The following PDE1C variants were observed in gnomAD, a reference collection of about 807,000 sequenced individuals.
PDE1C encodes the protein dual specificity calcium/calmodulin-dependent 3',5'-cyclic nucleotide phosphodiesterase 1C.
PDE1C carries 62 observed loss-of-function variants against 93.1 expected under a neutral mutation model. The ratio of observed to expected loss-of-function variants is 0.67; its 90% CI spans 0.54 to 0.82. The LOEUF (loss-of-function observed/expected upper bound fraction) is 0.82, where lower values mean the gene tolerates loss of function less well. Among genes scored for constraint, PDE1C ranks in the 40% least tolerant of loss-of-function variants. The pLI is 0.00. For missense variants in PDE1C, 742 were observed against 884.6 expected, an observed-to-expected ratio of 0.84 and a Z score of 2.04; for synonymous variants, 325 against 310.1, an observed-to-expected ratio of 1.05 and a Z score of -0.50.
chr7:31,632,950 G>A, the PDE1C span, among the ~76,000 whole-genome samples: 6 of 151,764 alleles, frequency 4.0e-5, no homozygotes, highest in African/African-American at 1.2e-4. Flanking sequence ...GCTGTGGCGC[G>A]ATCTTGGCTC....
chr7:31,957,677 C>T (rs1394992468), intron 2 of PDE1C, among the ~76,000 whole-genome samples: 1 of 152,152 alleles, frequency 6.6e-6, no homozygotes, highest in African/African-American at 2.4e-5. Context: ...TTTTGTGCAG[C>T]ATTGCATACA....
intron 1 of PDE1C, among the ~76,000 whole-genome samples, chr7:32,233,922 T>C (rs1424540078): frequency 1.3e-5 from 2 of 151,774 alleles, no homozygotes; most frequent in Non-Finnish European, 2.9e-5. Flanking sequence ...CCTACCAAAC[T>C]TAAAAGAAAT....
At chr7:31,846,780 C>A (rs548521468) in intron 9 of PDE1C, among the ~76,000 whole-genome samples, 3 of 151,974 alleles carry the variant, frequency 2.0e-5, no homozygotes, top group East Asian at 1.9e-4. Flanking sequence ...TTCCTTTTTT[C>A]CTGAAGTGGT....
intron 16 of PDE1C, among the ~76,000 whole-genome samples, chr7:31,803,796 G>A (rs1235042170): frequency 2.6e-5 from 4 of 151,818 alleles, no homozygotes; most frequent in Admixed American, 6.6e-5. Context: ...TCAGTCTATC[G>A]TTGTTGGACA....
At chr7:32,182,530 C>T (rs1026484805) in intron 2 of PDE1C, among the ~76,000 whole-genome samples, 1 of 152,154 alleles carries the variant, frequency 6.6e-6, no homozygotes, top group African/African-American at 2.4e-5. Flanking sequence ...AGCACATAAA[C>T]AGAACCAATG....
At chr7:32,093,864 C>T (rs1797610391) in intron 3 of PDE1C, among the ~76,000 whole-genome samples, 1 of 152,220 alleles carries the variant, frequency 6.6e-6, no homozygotes, top group South Asian at 2.1e-4. Flanking sequence ...AGCTCTTTAT[C>T]AGATGGGCCC....
At chr7:32,290,333 G>A (rs959579978) in intron 1 of PDE1C, among the ~76,000 whole-genome samples, 16 of 152,198 alleles carry the variant, frequency 1.1e-4, no homozygotes, top group African/African-American at 3.6e-4. Flanking sequence ...AGGCAGCCAG[G>A]AGCAGGCGGG....
chr7:32,130,468 C>T (rs1799853437), intron 3 of PDE1C, among the ~76,000 whole-genome samples: 1 of 152,050 alleles, frequency 6.6e-6, no homozygotes, highest in African/African-American at 2.4e-5. Context: ...GGAAAAAGTA[C>T]CTCACTCTCC....
At chr7:31,637,878 T>C in the PDE1C span, among the ~76,000 whole-genome samples, 9 of 152,210 alleles carry the variant, frequency 5.9e-5, no homozygotes, top group African/African-American at 1.9e-4. Context: ...AGGTCTAACA[T>C]GTAAGTCTTT....
intron 17 of PDE1C, among the ~76,000 whole-genome samples, chr7:31,761,502 A>C (rs578043229): frequency 6.6e-6 from 1 of 152,270 alleles, no homozygotes; most frequent in Admixed American, 6.5e-5. Flanking sequence ...AACTGCTTTC[A>C]TCTTTTCCCT....
At chr7:32,119,509 G>A (rs6947038) in intron 3 of PDE1C, among the ~76,000 whole-genome samples, 49,403 of 152,094 alleles carry the variant, frequency 0.32, 8,758 homozygotes, top group South Asian at 0.41. Flanking sequence ...AGAGATGACC[G>A]ACTAGAAGCA....
chr7:32,321,812 A>T (rs1380786339), intron 1 of PDE1C, among the ~76,000 whole-genome samples: 3 of 152,208 alleles, frequency 2.0e-5, no homozygotes. Flanking sequence ...TCCACATTCT[A>T]CAAACCCTAG....
chr7:31,935,909 G>A (rs1171617137), intron 2 of PDE1C, among the ~76,000 whole-genome samples: 1 of 152,094 alleles, frequency 6.6e-6, no homozygotes, highest in African/African-American at 2.4e-5. Flanking sequence ...GGGAACTGGG[G>A]AGGGGTGGAG....
At chr7:32,151,255 C>T (rs1330012937) in intron 3 of PDE1C, among the ~76,000 whole-genome samples, 1 of 152,074 alleles carries the variant, frequency 6.6e-6, no homozygotes, top group Non-Finnish European at 1.5e-5. Flanking sequence ...TAAAGGACTC[C>T]CCAAGACAAA....
At chr7:32,140,181 A>G (rs32316) in intron 3 of PDE1C, among the ~76,000 whole-genome samples, 105,373 of 152,034 alleles carry the variant, frequency 0.69, 37,246 homozygotes, top group Middle Eastern at 0.81. Context: ...TTTAATCCTT[A>G]TGACAACCAA....
chr7:31,775,545 C>T (rs888059798), intron 17 of PDE1C, 119 bp downstream of exon 17: 23 of 768,418 alleles, frequency 3.0e-5, no homozygotes, highest in Admixed American at 7.4e-5. Flanking sequence ...TCTCTGATAA[C>T]GTGAGTAGAC....
chr7:31,942,581 C>T (rs1008185333), intron 2 of PDE1C, among the ~76,000 whole-genome samples: 1 of 152,092 alleles, frequency 6.6e-6, no homozygotes, highest in Non-Finnish European at 1.5e-5. Flanking sequence ...GCAGTACAAG[C>T]AAGTGGGAAT....
the PDE1C span, among the ~76,000 whole-genome samples, chr7:31,711,799 C>A: frequency 6.6e-6 from 1 of 152,214 alleles, no homozygotes; most frequent in African/African-American, 2.4e-5. Context: ...TCAAACAAAT[C>A]TGAGCAAGTG....
intron 1 of PDE1C, among the ~76,000 whole-genome samples, chr7:32,339,617 G>C (rs1480199339): frequency 4.6e-5 from 7 of 152,198 alleles, no homozygotes; most frequent in Non-Finnish European, 7.3e-5. Flanking sequence ...TGACAAGACA[G>C]AGCACTGAAG....
Sources: allele counts gnomAD v4.1 joint callset (sites outside exome capture counted in the v4.1 genomes callset), GRCh38; gene constraint gnomAD v4.1.1; transcripts MANE v1.5; gene names NCBI Gene and HGNC (gene_info 2026-07-23, HGNC 2026-07-21).